The following COL8A1 variants were observed in gnomAD, a reference collection of about 807,000 sequenced individuals.
COL8A1 encodes collagen alpha-1(VIII) chain.
COL8A1 carries 21 observed loss-of-function variants against 42.7 expected under a neutral mutation model. That is an observed-to-expected ratio of 0.49 (90% CI 0.35 to 0.71). The LOEUF is 0.71. Ranked by LOEUF, COL8A1 falls within the 30% of genes least tolerant of loss-of-function variation. The pLI is 0.01. For missense variants in COL8A1, 788 were observed against 962.4 expected (o/e 0.82, Z 2.40); for synonymous variants, 367 against 369.1 (o/e 0.99, Z 0.06).
chr3:99,752,144 C>G (rs1941163552), intron 2 of COL8A1, among the ~76,000 whole-genome samples: 1 of 152,042 alleles, frequency 6.6e-6, no homozygotes, highest in African/African-American at 2.4e-5. Context: ...AACATGAAAG[C>G]TCTTTTTCTA....
intron 1 of COL8A1, among the ~76,000 whole-genome samples, chr3:99,653,341 A>G (rs1576414363): frequency 6.6e-6 from 1 of 152,000 alleles, no homozygotes; most frequent in Non-Finnish European, 1.5e-5. Flanking sequence ...GTGGCAGTGT[A>G]AACTATTTAT....
intron 2 of COL8A1, among the ~76,000 whole-genome samples, chr3:99,759,732 A>C (rs1415269591): frequency 6.6e-6 from 1 of 152,238 alleles, no homozygotes; most frequent in Non-Finnish European, 1.5e-5. Context: ...AACTCAAGCC[A>C]GTTGTTTCAA....
intron 1 of COL8A1, among the ~76,000 whole-genome samples, chr3:99,639,711 T>C (rs1559764823): frequency 6.6e-6 from 1 of 152,176 alleles, no homozygotes; most frequent in Non-Finnish European, 1.5e-5. Context: ...GTCCATGAAG[T>C]TTGCCATCAA....
At chr3:99,640,837 A>T (rs1937493851) in intron 1 of COL8A1, among the ~76,000 whole-genome samples, 1 of 152,126 alleles carries the variant, frequency 6.6e-6, no homozygotes, top group Admixed American at 6.5e-5. Context: ...GGATGTGGAT[A>T]CTTCACGTGA....
At chr3:99,739,765 G>T (rs1275727912) in intron 1 of COL8A1, among the ~76,000 whole-genome samples, 1 of 152,104 alleles carries the variant, frequency 6.6e-6, no homozygotes, top group East Asian at 1.9e-4. Flanking sequence ...GGGAGAGGCT[G>T]CCATGAAGGT....
intron 1 of COL8A1, among the ~76,000 whole-genome samples, chr3:99,651,458 A>G (rs545845363): frequency 1.3e-3 from 200 of 152,350 alleles, no homozygotes; most frequent in Non-Finnish European, 2.5e-3. Flanking sequence ...AACCTGAAAC[A>G]CTGCGAAGAA....
chr3:99,648,683 A>G lies in COL8A1; in HGVS notation c.-129+10019A>G, dbSNP rs150518534. On this transcript the variant is annotated intron_variant, in intron 1 of 3. Transcript: ENST00000652472. The stretch of plus-strand genomic sequence containing the variant: ...CCGGTAAAAAGAATGACAGTCTAGC[A>G]TGTCATTCTTAAGGCAATAGAAATT... Among the ~76,000 whole-genome samples the G allele has an allele frequency of 5.8e-4, 88 of 152,294 alleles. 2 individuals carry two copies. In the East Asian group the frequency reaches 0.015, roughly 25 times the overall value.
rs1467249874 is a variant in COL8A1 at position 99,797,939 on chromosome 3, G to A, written c.*1803G>A. ...TCTCCAAACACCAAAGACCCATTTC[G>A]AGCCTGCTATTAGCCTGCTGCTGAC... is the stretch of plus-strand genomic sequence containing the variant. On this transcript the variant is annotated 3_prime_UTR_variant, in exon 4 of 4. Transcript: ENST00000652472. The A allele has an allele frequency of 2.0e-5, 3 of 152,172 alleles. No homozygotes were observed. Among genetic ancestry groups the A allele is most frequent in the Admixed American group, 6.5e-5 (1 of 15,284 alleles). 9.4% of individuals were successfully genotyped at this position (152,172 alleles called of 1,614,324 possible).
At position 99,798,101 on chromosome 3, in the gene COL8A1, ATG is replaced by A. The variant is rs1235707230; in HGVS notation, c.*1969_*1970del. The A allele has an allele frequency of 8.5e-5, 13 of 152,202 alleles. No individual in the cohort carries two copies. The highest frequency in any genetic ancestry group is 3.3e-4 in the Admixed American group (5 of 15,284). 9.4% of individuals were successfully genotyped at this position (152,202 alleles called of 1,614,324 possible). ...AAATACGGTATGAAAACACATGGAA[ATG>A]TGTCTTTGTCAAATCTGAATCATTA... On this transcript the variant is annotated 3_prime_UTR_variant, in exon 4 of 4. Transcript: ENST00000652472.
intron 2 of COL8A1, among the ~76,000 whole-genome samples, chr3:99,757,892 G>T (rs1385183079): frequency 1.3e-5 from 2 of 152,082 alleles, no homozygotes; most frequent in African/African-American, 2.4e-5. Context: ...ATCTATCCTT[G>T]TATCAAGTGT....
At chr3:99,650,721 A>G (rs1937818265) in intron 1 of COL8A1, among the ~76,000 whole-genome samples, 1 of 152,250 alleles carries the variant, frequency 6.6e-6, no homozygotes, top group South Asian at 2.1e-4. Context: ...AAGCACTTTA[A>G]ATGTGGCTAA....
At chr3:99,706,510 G>T (rs1260623644) in intron 1 of COL8A1, among the ~76,000 whole-genome samples, 1 of 152,176 alleles carries the variant, frequency 6.6e-6, no homozygotes, top group Admixed American at 6.5e-5. Context: ...ACCCTAAAAA[G>T]AGTTCCAGCA....
chr3:99,736,034 TTC>T (rs570093856), intron 1 of COL8A1, among the ~76,000 whole-genome samples: 27,858 of 116,250 alleles, frequency 0.24, 2,669 homozygotes, highest in African/African-American at 0.29. Context: ...TATTTGATTC[TTC>T]TCTCTTTTTT....
chr3:99,655,990 G>A (rs781205662), intron 1 of COL8A1, among the ~76,000 whole-genome samples: 9 of 152,228 alleles, frequency 5.9e-5, no homozygotes, highest in Non-Finnish European at 1.2e-4. Context: ...GGCATTCACT[G>A]TGGACACAAA....
At chr3:99,728,442 C>G (rs1391952044) in intron 1 of COL8A1, among the ~76,000 whole-genome samples, 1 of 151,838 alleles carries the variant, frequency 6.6e-6, no homozygotes, top group Non-Finnish European at 1.5e-5. Flanking sequence ...CAAGTGACTA[C>G]CAAAATACAC....
intron 1 of COL8A1, among the ~76,000 whole-genome samples, chr3:99,726,738 T>A (rs1294408984): frequency 6.6e-6 from 1 of 151,874 alleles, no homozygotes; most frequent in Non-Finnish European, 1.5e-5. Context: ...GCGGCGTTAT[T>A]TCTGAGGGCT....
In COL8A1 at chr3:99,795,977, C is replaced by T. The variant is rs1195344311; in HGVS notation, c.2076C>T (p.Tyr692=). The T allele has an allele frequency of 2.5e-6, 4 of 1,613,828 alleles. No homozygotes were observed. The highest frequency in any genetic ancestry group is 1.1e-5 in the South Asian group (1 of 91,082). The change falls in exon 4 of 4, where the codon TAC becomes TAT. Residue 692 remains tyrosine (Y), a synonymous_variant. Coordinates refer to ENST00000652472, the MANE Select transcript of COL8A1 (RefSeq NM_020351.4). The part of the protein sequence containing the change: ...NEPVMYTYDE[Y]KKGFLDQASG... Reference sequence around the variant, plus strand: ...CCGTGATGTACACGTACGACGAGTACAAAAAGGGCTTCCTGGACCAGGCAT... The same window carrying T: ...CCGTGATGTACACGTACGACGAGTATAAAAAGGGCTTCCTGGACCAGGCAT...
At chr3:99,696,113 G>A (rs1461954654) in intron 1 of COL8A1, among the ~76,000 whole-genome samples, 1 of 152,174 alleles carries the variant, frequency 6.6e-6, no homozygotes, top group East Asian at 1.9e-4. Context: ...CGGCCTGGGC[G>A]ACAGAGTGAG....
intron 2 of COL8A1, among the ~76,000 whole-genome samples, chr3:99,767,137 G>A (rs1941480068): frequency 6.6e-6 from 1 of 152,114 alleles, no homozygotes. Context: ...AATACTCTGT[G>A]GTTCATCTTT....
Sources: allele counts gnomAD v4.1 joint callset (sites outside exome capture counted in the v4.1 genomes callset), GRCh38; gene constraint gnomAD v4.1.1; transcripts MANE v1.5; gene names NCBI Gene and HGNC (gene_info 2026-07-23, HGNC 2026-07-21).